The following TBC1D21 variants were observed in gnomAD, a reference collection of about 807,000 sequenced individuals.
TBC1D21 encodes male germ cell Rab GTPase-activating protein.
In TBC1D21, 38 loss-of-function variants were observed where a neutral mutation model predicts 46.0. That is an observed-to-expected ratio of 0.83 (90% CI 0.64 to 1.08). The LOEUF is 1.08. Among genes scored for constraint, TBC1D21 ranks in the 50% least tolerant of loss-of-function variants. TBC1D21 has a pLI of 0.00. For synonymous variants in TBC1D21, 151 were observed against 157.2 expected (o/e 0.96, Z 0.29); for missense variants, 415 against 417.9 (o/e 0.99, Z 0.06).
chr15:73,883,453 T>A (rs1475821307), intron 3 of TBC1D21, among the ~76,000 whole-genome samples: 1 of 152,360 alleles, frequency 6.6e-6, no homozygotes, highest in East Asian at 1.9e-4. Flanking sequence ...TCCCAGCTTG[T>A]GTGGCTCCCG....
intron 2 of TBC1D21, 54 bp from the exon 3 acceptor site, chr15:73,881,590 C>T (rs1004826249): frequency 4.2e-5 from 67 of 1,603,646 alleles, no homozygotes; most frequent in Non-Finnish European, 2.8e-5. Context: ...GGATGAAGCC[C>T]TTTTGGTAGG....
intron 1 of TBC1D21, among the ~76,000 whole-genome samples, chr15:73,877,874 A>G (rs2068093999): frequency 6.6e-6 from 1 of 150,762 alleles, no homozygotes; most frequent in South Asian, 2.1e-4. Flanking sequence ...ATCCATTCCT[A>G]ATTAAAAACT....
In TBC1D21 at chr15:73,877,000, G is replaced by T. The variant is rs531330769; in HGVS notation, c.60+3231G>T. ...TCAAACTCCAGCTCTGATACTTTCT[G>T]TATCTAATCTCAGATATGCTAATTA... On this transcript the variant is annotated intron_variant, in intron 1 of 10. Coordinates refer to ENST00000300504, the MANE Select transcript of TBC1D21 (RefSeq NM_153356.3). Among the ~76,000 whole-genome samples the T allele has an allele frequency of 3.9e-5, 6 of 152,208 alleles. No homozygotes were observed. The East Asian group carries it at 9.7e-4, about 25-fold the overall frequency.
In TBC1D21 at chr15:73,881,820, G is replaced by A. The variant is rs1400312039; in HGVS notation, c.272+73G>A. 7 of 1,346,910 alleles carry A rather than the reference G, an allele frequency of 5.2e-6. No homozygotes were observed. The East Asian group carries it at 1.4e-4, about 28-fold the overall frequency. 83.4% of individuals were successfully genotyped at this position (1,346,910 alleles called of 1,614,324 possible). On this transcript the variant is annotated intron_variant, in intron 3 of 10. Coordinates refer to ENST00000300504, the MANE Select transcript of TBC1D21 (RefSeq NM_153356.3). ...GCAGGTGCTGCCTCCCCAGCCTGCAGACTATCTTCTGCCCCCATGCAACTT... is the reference window on the plus strand; with the variant it reads ...GCAGGTGCTGCCTCCCCAGCCTGCAAACTATCTTCTGCCCCCATGCAACTT...
the TBC1D21 span, among the ~76,000 whole-genome samples, chr15:73,901,810 T>A: frequency 6.6e-6 from 1 of 151,000 alleles, no homozygotes; most frequent in Non-Finnish European, 1.5e-5. Context: ...TCAAGATCCC[T>A]TTTTTTTTGT....
intron 1 of TBC1D21, among the ~76,000 whole-genome samples, chr15:73,875,036 C>T (rs987584546): frequency 1.3e-5 from 2 of 152,048 alleles, no homozygotes; most frequent in Non-Finnish European, 2.9e-5. Flanking sequence ...CACCTGAGGT[C>T]GCGAGTTCAA....
chr15:73,881,552 T>C (rs2068155008), intron 2 of TBC1D21, 46 bp downstream of exon 2: 2 of 1,606,036 alleles, frequency 1.2e-6, no homozygotes, highest in Non-Finnish European at 1.7e-6. Flanking sequence ...ACTGGGAGCA[T>C]GGATGGGCAG....
chr15:73,909,462 C>T, the TBC1D21 span, among the ~76,000 whole-genome samples: 1 of 152,166 alleles, frequency 6.6e-6, no homozygotes, highest in African/African-American at 2.4e-5. Flanking sequence ...GTGGTTGTTG[C>T]CCTTGCCACG....
intron 10 of TBC1D21, 93 bp from the exon 11 acceptor site, chr15:73,888,976 C>G (rs981317649): frequency 1.3e-6 from 2 of 1,513,272 alleles, no homozygotes; most frequent in East Asian, 2.3e-5. Context: ...GTCTGGGCAC[C>G]CAGAGGCTCA....
chr15:73,905,286 C>T, the TBC1D21 span, among the ~76,000 whole-genome samples: 5 of 152,344 alleles, frequency 3.3e-5, no homozygotes, highest in South Asian at 4.1e-4. Flanking sequence ...TCACATGACA[C>T]GCAACTTTAA....
At chr15:73,908,509 T>C in the TBC1D21 span, 1 of 152,416 alleles carries the variant, frequency 6.6e-6, no homozygotes, top group African/African-American at 2.4e-5. Context: ...CTCTCCAACC[T>C]AGCCAGAGCA....
At chr15:73,892,776 C>A (rs781106996), downstream of TBC1D21, among the ~76,000 whole-genome samples, 2 of 152,214 alleles carry the variant, frequency 1.3e-5, no homozygotes, top group Non-Finnish European at 2.9e-5. Context: ...CCAGTAGGCC[C>A]GAGCAAAACT....
intron 3 of TBC1D21, among the ~76,000 whole-genome samples, chr15:73,882,955 C>G (rs912017972): frequency 6.6e-6 from 1 of 152,242 alleles, no homozygotes; most frequent in African/African-American, 2.4e-5. Context: ...GAGGCTGCAG[C>G]CAGTTTGCCT....
chr15:73,906,622 T>C, the TBC1D21 span, among the ~76,000 whole-genome samples: 3 of 152,154 alleles, frequency 2.0e-5, no homozygotes, highest in Non-Finnish European at 4.4e-5. Context: ...AGCAGCTTGT[T>C]TGGGAAATCC....
chr15:73,887,795 C>A, intron 9 of TBC1D21, 59 bp downstream of exon 9: 1 of 1,444,390 alleles, frequency 6.9e-7, no homozygotes, highest in Non-Finnish European at 9.7e-7. Flanking sequence ...ACACCCCACC[C>A]CACCCCAGCT....
chr15:73,884,718 T>C, intron 4 of TBC1D21, 63 bp from the exon 5 acceptor site: 1 of 1,224,926 alleles, frequency 8.2e-7, no homozygotes, highest in Non-Finnish European at 1.2e-6. Flanking sequence ...GGGGAAGAAA[T>C]TCACCCATAG....
intron 1 of TBC1D21, among the ~76,000 whole-genome samples, 171 bp from the exon 2 acceptor site, chr15:73,881,228 A>G (rs2068147907): frequency 6.6e-6 from 1 of 152,252 alleles, no homozygotes; most frequent in African/African-American, 2.4e-5. Context: ...ATTATTGTGC[A>G]TACAGGATTT....
intron 1 of TBC1D21, among the ~76,000 whole-genome samples, chr15:73,879,775 T>C (rs1456623267): frequency 6.6e-6 from 1 of 152,256 alleles, no homozygotes; most frequent in African/African-American, 2.4e-5. Flanking sequence ...CACATCTTTA[T>C]GTCTGCAATG....
chr15:73,885,965 C>T (rs992034762), intron 6 of TBC1D21, 113 bp from the exon 7 acceptor site: 28 of 780,986 alleles, frequency 3.6e-5, no homozygotes, highest in African/African-American at 1.2e-4. Flanking sequence ...ATGGGCCCAG[C>T]GCACAGACAG....
Sources: gnomAD v4.1 joint callset for allele counts (sites outside exome capture counted in the v4.1 genomes callset) on GRCh38, gnomAD v4.1.1 for gene constraint, MANE v1.5 for transcripts, NCBI Gene and HGNC (gene_info 2026-07-23, HGNC 2026-07-21) for gene names.